The following NFIA variants were observed in gnomAD, a reference collection of about 807,000 sequenced individuals.
NFIA encodes the protein nuclear factor 1 A-type.
Under a neutral mutation model 62.8 loss-of-function variants are expected in NFIA, and 8 were observed. That is an observed-to-expected ratio of 0.13 (90% CI 0.07 to 0.23). The LOEUF (loss-of-function observed/expected upper bound fraction) is 0.23, where lower values mean the gene tolerates loss of function less well. Ranked by LOEUF, NFIA falls within the 10% of genes least tolerant of loss-of-function variation. The probability of loss-of-function intolerance (pLI) is 1.00; values close to 1 mark genes in which losing one functional copy is unlikely to be tolerated. For synonymous variants in NFIA, 235 were observed against 238.1 expected, an observed-to-expected ratio of 0.99 and a Z score of 0.12; for missense variants, 410 against 642.1, an observed-to-expected ratio of 0.64 and a Z score of 3.91.
Position 61,250,365 on chromosome 1 carries a change from T to G in NFIA, c.560-27155T>G, listed in dbSNP as rs965046980. Reference sequence around the variant, plus strand: ...AGTTTTCACTTTAGATTGGAAGACCTTTCTCCATTGCAACTTTTTGGCCTC... The same window carrying G: ...AGTTTTCACTTTAGATTGGAAGACCGTTCTCCATTGCAACTTTTTGGCCTC... On this transcript the variant is annotated intron_variant, in intron 2 of 10. Coordinates refer to ENST00000403491, the MANE Select transcript of NFIA (RefSeq NM_001134673.4). Among the ~76,000 whole-genome samples the G allele has an allele frequency of 1.9e-4, 29 of 152,226 alleles. 1 individual carries two copies. The highest frequency in any genetic ancestry group is 1.8e-3 in the Admixed American group (28 of 15,278).
chr1:61,078,816 C>A (rs1228523129), upstream of NFIA, among the ~76,000 whole-genome samples: 1 of 152,198 alleles, frequency 6.6e-6, no homozygotes, highest in Non-Finnish European at 1.5e-5. Flanking sequence ...TATGGAAGAT[C>A]GCTGACTTGC....
chr1:61,209,782 A>G (rs1653130427), intron 2 of NFIA, among the ~76,000 whole-genome samples: 1 of 152,050 alleles, frequency 6.6e-6, no homozygotes, highest in Non-Finnish European at 1.5e-5. Context: ...AACCCAGGAG[A>G]TGGAAGTTAC....
At chr1:61,261,269 A>G (rs879693672) in intron 2 of NFIA, among the ~76,000 whole-genome samples, 2 of 152,208 alleles carry the variant, frequency 1.3e-5, no homozygotes, top group Non-Finnish European at 2.9e-5. Context: ...ACTCACATTT[A>G]TGAATACAGA....
At position 61,369,021 on chromosome 1, in the gene NFIA, A is replaced by G. The variant is rs536184989; in HGVS notation, c.946+9747A>G. Among the ~76,000 whole-genome samples the G allele has an allele frequency of 8.5e-5, 13 of 152,346 alleles. No homozygotes were observed. In the South Asian group the frequency reaches 2.7e-3, roughly 32 times the overall value. On this transcript the variant is annotated intron_variant, in intron 6 of 10. Coordinates refer to ENST00000403491, the MANE Select transcript of NFIA (RefSeq NM_001134673.4). ...CAAGCTTCATATGGGTGAGGAGTTTATTCAGCGGCTTAGACCACAGTCCTC... is the reference window on the plus strand; with the variant it reads ...CAAGCTTCATATGGGTGAGGAGTTTGTTCAGCGGCTTAGACCACAGTCCTC...
intron 2 of NFIA, among the ~76,000 whole-genome samples, chr1:61,089,331 A>G (rs1015689280): frequency 3.3e-5 from 5 of 152,214 alleles, no homozygotes; most frequent in Admixed American, 2.6e-4. Context: ...ACATTGAAAA[A>G]TTGCTATTGA....
At chr1:61,334,591 A>G (rs1251559421) in intron 4 of NFIA, among the ~76,000 whole-genome samples, 3,790 of 90,348 alleles carry the variant, frequency 0.042, 465 homozygotes, top group African/African-American at 0.13. Flanking sequence ...ATATATATAT[A>G]TATATATATA....
chr1:61,306,829 C>T (rs1376355157), intron 3 of NFIA, among the ~76,000 whole-genome samples: 1 of 152,194 alleles, frequency 6.6e-6, no homozygotes, highest in Non-Finnish European at 1.5e-5. Flanking sequence ...CACAGCCAGG[C>T]ATTGTCTGTC....
chr1:61,078,580 A>G (rs1490419229), upstream of NFIA, among the ~76,000 whole-genome samples: 1 of 152,238 alleles, frequency 6.6e-6, no homozygotes, highest in African/African-American at 2.4e-5. Context: ...TTTGAAATTA[A>G]TAGGTAAACC....
At position 61,461,907 on chromosome 1, in the gene NFIA, T is replaced by C. The variant is rs2147963444; in HGVS notation, c.*6587T>C. On this transcript the variant is annotated 3_prime_UTR_variant, in exon 11 of 11. Transcript: ENST00000403491. Reference sequence around the variant, plus strand: ...GTATTGGGCCATTTTTCCTGCTGTTTTTATACTCAACTTCTCAAAATGAAA... The same window carrying C: ...GTATTGGGCCATTTTTCCTGCTGTTCTTATACTCAACTTCTCAAAATGAAA... 6.6e-6 allele frequency: 1 copy of C among 152,256 alleles called. No homozygotes were observed. Among genetic ancestry groups the C allele is most frequent in the African/African-American group, 2.4e-5 (1 of 41,530 alleles). 9.4% of individuals were successfully genotyped at this position (152,256 alleles called of 1,614,324 possible). A position where few individuals can be genotyped will look rare whatever the true frequency, so the allele number is the denominator to read the frequency against.
intron 10 of NFIA, among the ~76,000 whole-genome samples, chr1:61,453,443 CTTTTTTTTTTT>C (rs11336299): frequency 3.8e-5 from 3 of 78,884 alleles, no homozygotes; most frequent in East Asian, 9.0e-4. Flanking sequence ...TGTGAAGAAA[CTTTTTTTTTTT>C]TTTTTTTTTT....
At chr1:61,331,215 A>G (rs949347002) in intron 3 of NFIA, among the ~76,000 whole-genome samples, 2 of 152,202 alleles carry the variant, frequency 1.3e-5, no homozygotes, top group Non-Finnish European at 2.9e-5. Flanking sequence ...CAAATACCAT[A>G]GATTATGTGT....
rs1281923598 is a variant in NFIA, at chr1:61,462,269, G to A, written c.*6949G>A. ...CAGGTTCTAGGAGGTCCTTTAGGAA[G>A]ACTCTCAAAGGCAAATCCCTGATCC... On this transcript the variant is annotated 3_prime_UTR_variant, in exon 11 of 11. Transcript: ENST00000403491. The A allele has an allele frequency of 6.6e-6, 1 of 151,892 alleles. No homozygotes were observed. Among genetic ancestry groups the A allele is most frequent in the Non-Finnish European group, 1.5e-5 (1 of 68,000 alleles). The allele number at this position is 151,892 out of a possible 1,614,324, so 9.4% of individuals were successfully genotyped here. A position where few individuals can be genotyped will look rare whatever the true frequency, so the allele number is the denominator to read the frequency against.
chr1:61,084,194 CG>C (rs1646177510), intron 1 of NFIA, among the ~76,000 whole-genome samples: 1 of 152,142 alleles, frequency 6.6e-6, no homozygotes, highest in African/African-American at 2.4e-5. Context: ...ACGGTTTAAC[CG>C]GAATAGTTTC....
chr1:61,203,454 C>T (rs1316252860), intron 2 of NFIA, among the ~76,000 whole-genome samples: 1 of 152,152 alleles, frequency 6.6e-6, no homozygotes, highest in Non-Finnish European at 1.5e-5. Flanking sequence ...GTGCCCTCCT[C>T]CCCCTTTTCT....
At chr1:61,227,577 T>C (rs796367201) in intron 2 of NFIA, among the ~76,000 whole-genome samples, 5 of 152,350 alleles carry the variant, frequency 3.3e-5, no homozygotes, top group African/African-American at 9.6e-5. Flanking sequence ...ATAAGTTTAA[T>C]TCTTAACCTT....
At chr1:61,145,857 G>T (rs1647893721) in intron 2 of NFIA, among the ~76,000 whole-genome samples, 1 of 152,158 alleles carries the variant, frequency 6.6e-6, no homozygotes, top group Non-Finnish European at 1.5e-5. Context: ...GGTGCCCTGG[G>T]TTTGTGGGGT....
intron 9 of NFIA, among the ~76,000 whole-genome samples, chr1:61,409,843 T>C (rs945069757): frequency 6.6e-6 from 1 of 152,192 alleles, no homozygotes; most frequent in African/African-American, 2.4e-5. Context: ...GGACTAGTCA[T>C]GTCCAGTTTT....
At position 61,458,208 on chromosome 1, in the gene NFIA, AAAG is replaced by A. The variant is rs1327042626; in HGVS notation, c.*2891_*2893del. 3.5e-5 allele frequency: 5 copies of A among 141,516 alleles called. No homozygotes were observed. Among genetic ancestry groups the A allele is most frequent in the African/African-American group, 6.0e-5 (2 of 33,062 alleles). 8.8% of individuals were successfully genotyped at this position (141,516 alleles called of 1,614,324 possible). A position where few individuals can be genotyped will look rare whatever the true frequency, so the allele number is the denominator to read the frequency against. On this transcript the variant is annotated 3_prime_UTR_variant, in exon 11 of 11. Coordinates refer to ENST00000403491, the MANE Select transcript of NFIA (RefSeq NM_001134673.4). ...CACTAAAAAATGAAAAAAAGGAAAA[AAAG>A]AAAAAAAAAAAGAAAAAATAGCAGC...
intron 6 of NFIA, among the ~76,000 whole-genome samples, chr1:61,374,886 T>C (rs1363132449): frequency 6.6e-6 from 1 of 152,166 alleles, no homozygotes; most frequent in Non-Finnish European, 1.5e-5. Context: ...GTCAAAATAG[T>C]CTATTTTACC....
Sources: gnomAD v4.1 joint callset for allele counts (sites outside exome capture counted in the v4.1 genomes callset) on GRCh38, gnomAD v4.1.1 for gene constraint, MANE v1.5 for transcripts, NCBI Gene and HGNC (gene_info 2026-07-23, HGNC 2026-07-21) for gene names.